SETX: variants seen among roughly 807,000 people sequenced by gnomAD.
SETX encodes senataxin, also known as helicase senataxin.
SETX carries 90 observed loss-of-function variants against 227.2 expected under a neutral mutation model. The observed-to-expected ratio is 0.40, with a 90% CI of 0.33 to 0.47. The LOEUF (loss-of-function observed/expected upper bound fraction) is 0.47. Ranked by LOEUF, SETX falls within the 20% of genes least tolerant of loss-of-function variation. The pLI is 0.91. For synonymous variants in SETX, 1,210 were observed against 1,113.2 expected, an observed-to-expected ratio of 1.09 and a Z score of -1.73; for missense variants, 3,052 against 3,181.5, an observed-to-expected ratio of 0.96 and a Z score of 0.98.
intron 10 of SETX, among the ~76,000 whole-genome samples, chr9:132,317,730 T>G (rs926477599): frequency 2.0e-5 from 3 of 152,158 alleles, no homozygotes; most frequent in African/African-American, 7.2e-5. Flanking sequence ...CCCAAAATGC[T>G]GGTATTACAG....
chr9:132,300,421 G>T (rs1844921853), intron 12 of SETX, among the ~76,000 whole-genome samples: 1 of 152,010 alleles, frequency 6.6e-6, no homozygotes, highest in Non-Finnish European at 1.5e-5. Context: ...TGTAACAAAA[G>T]GATAGAACAT....
At chr9:132,290,803 G>C (rs1204780855) in intron 15 of SETX, among the ~76,000 whole-genome samples, 1 of 151,856 alleles carries the variant, frequency 6.6e-6, no homozygotes, top group East Asian at 1.9e-4. Context: ...GGCAGAGATG[G>C]GGGTATTGCT....
At chr9:132,300,129 T>TCAAAAA (rs1844903592) in intron 12 of SETX, among the ~76,000 whole-genome samples, 1 of 51,934 alleles carries the variant, frequency 1.9e-5, no homozygotes, top group Non-Finnish European at 3.4e-5. Context: ...AAACTCCGTC[T>TCAAAAA]CAAAAAAAAA....
At position 132,329,647 on chromosome 9, in the gene SETX, T is replaced by A; in HGVS notation, c.1951A>T (p.Lys651Ter). ...SSPTFSKEPMKVQDSVLIKAD... is the reference protein window; with the variant it reads ...SSPTFSKEPM ...TTGATCAATACACTGTCTTGCACTT[T>A]CATTGGTTCTTTAGAAAATGTTGGG... The change falls in exon 10 of 26, where the codon AAA becomes TAA. Residue 651 changes from lysine (K) to a stop codon, truncating the protein, a stop_gained. Coordinates refer to ENST00000224140, the MANE Select transcript of SETX (RefSeq NM_015046.7). LOFTEE classifies it high-confidence loss of function. 2 of 1,613,742 alleles carry A rather than the reference T, an allele frequency of 1.2e-6. No homozygotes were observed. The highest frequency in any genetic ancestry group is 2.7e-5 in the African/African-American group (2 of 75,010).
At chr9:132,268,053 G>A (rs1285996716) in intron 25 of SETX, among the ~76,000 whole-genome samples, 1 of 152,154 alleles carries the variant, frequency 6.6e-6, no homozygotes. Context: ...TATTTGTCTT[G>A]TTTTGCTCAA....
chr9:132,288,792 C>A, intron 15 of SETX, 141 bp from the exon 16 acceptor site: 1 of 676,846 alleles, frequency 1.5e-6, no homozygotes, highest in Non-Finnish European at 2.7e-6. Flanking sequence ...AACCAGACAC[C>A]AGGGACTACA....
At chr9:132,268,024 A>C (rs1842730308) in intron 25 of SETX, among the ~76,000 whole-genome samples, 1 of 152,262 alleles carries the variant, frequency 6.6e-6, no homozygotes, top group Non-Finnish European at 1.5e-5. Context: ...AACATGATCA[A>C]AATCTGTGAT....
chr9:132,343,542 T>C (rs981791197), intron 4 of SETX, among the ~76,000 whole-genome samples: 13 of 152,176 alleles, frequency 8.5e-5, no homozygotes, highest in African/African-American at 3.1e-4. Flanking sequence ...GAACAATCCA[T>C]TTACCCTTTC....
At chr9:132,335,218 G>A (rs573487751) in intron 6 of SETX, among the ~76,000 whole-genome samples, 164 of 151,294 alleles carry the variant, frequency 1.1e-3, no homozygotes, top group African/African-American at 2.3e-3. Context: ...GTGAAACCCC[G>A]TCTCTACTAA....
chr9:132,311,081 C>T (rs577895833), intron 11 of SETX, among the ~76,000 whole-genome samples: 18 of 152,268 alleles, frequency 1.2e-4, no homozygotes, highest in African/African-American at 4.1e-4. Flanking sequence ...ATTCTCCTGC[C>T]TCAGCCTCCC....
intron 12 of SETX, among the ~76,000 whole-genome samples, chr9:132,298,670 G>A (rs1844815107): frequency 6.6e-6 from 1 of 152,186 alleles, no homozygotes; most frequent in Non-Finnish European, 1.5e-5. Context: ...ACAGTACTCA[G>A]CAGAGGGTAA....
At chr9:132,309,803 G>C (rs1845546758) in intron 11 of SETX, among the ~76,000 whole-genome samples, 3 of 152,160 alleles carry the variant, frequency 2.0e-5, no homozygotes, top group Non-Finnish European at 4.4e-5. Flanking sequence ...AGGTAAGAGA[G>C]ATCCTGATCC....
At chr9:132,352,590 A>G (rs868175785) in intron 2 of SETX, among the ~76,000 whole-genome samples, 29 of 152,202 alleles carry the variant, frequency 1.9e-4, no homozygotes, top group African/African-American at 6.8e-4. Context: ...GTATCTACTA[A>G]AAATATAAAA....
At chr9:132,346,824 G>T (rs1303257308) in intron 3 of SETX, among the ~76,000 whole-genome samples, 6 of 151,914 alleles carry the variant, frequency 3.9e-5, no homozygotes, top group African/African-American at 1.5e-4. Flanking sequence ...TAGGTGTGGT[G>T]CATGCCTACA....
chr9:132,292,415 CAAAA>C lies in SETX; in HGVS notation c.6106+3453_6106+3456del, dbSNP rs60253119. On this transcript the variant is annotated intron_variant, in intron 15 of 25. Transcript: ENST00000224140. Reference sequence around the variant, plus strand: ...ATGTACCCCAGCCTGAGCTGGGGTACAAAAAAAAAAAAAAAAAAAAAAGAAAACA... The same window carrying C: ...ATGTACCCCAGCCTGAGCTGGGGTACAAAAAAAAAAAAAAAAAAGAAAACA... 4.4e-4 allele frequency among the ~76,000 whole-genome samples: 27 copies of C among 61,070 alleles called. No homozygotes were observed. In the East Asian group the frequency reaches 5.1e-3, roughly 12 times the overall value. 40.1% of individuals were successfully genotyped at this position (61,070 alleles called of 152,430 possible).
intron 24 of SETX, 41 bp downstream of exon 24, chr9:132,271,669 A>G: frequency 6.8e-7 from 1 of 1,473,570 alleles, no homozygotes; most frequent in Non-Finnish European, 9.5e-7. Flanking sequence ...ACAAGCAACA[A>G]TGTATACAAG....
At position 132,283,279 on chromosome 9, in the gene SETX, A is replaced by C; in HGVS notation, c.6531T>G (p.Cys2177Trp). 1 of 1,614,222 alleles carries C rather than the reference A, an allele frequency of 6.2e-7. No homozygotes were observed. The highest frequency in any genetic ancestry group is 1.1e-5 in the South Asian group (1 of 91,088). The change falls in exon 19 of 26, where the codon TGT (cysteine) becomes TGG (tryptophan). Residue 2177 changes from cysteine to tryptophan, a missense_variant. Coordinates refer to ENST00000224140, the MANE Select transcript of SETX (RefSeq NM_015046.7). ...GTTCACTGACCTCATCAACAATGAC[A>C]CAGCTGAAGGGGACACCCCCTTGCC... ...FRGQGGVPFS[C>W]VIVDEAGQSC...
intron 6 of SETX, 28 bp downstream of exon 6, chr9:132,336,268 A>G: frequency 6.4e-7 from 1 of 1,565,910 alleles, no homozygotes; most frequent in Non-Finnish European, 8.8e-7. Context: ...GAAAATACCA[A>G]TTATATTAGT....
chr9:132,264,371 C>T lies in SETX; in HGVS notation c.7902G>A (p.Glu2634=), dbSNP rs752877084. Residue 2634 remains glutamate, a synonymous_variant, in exon 26 of 26, where the codon GAG becomes GAA. Transcript: ENST00000224140. ...DPEEELCHRR[E]ARAFSEGEQE... ...GCTCCCCTTCACTGAAAGCCCTGGC[C>T]TCTCTCCTGTGACAGAGCTCCTCTT... 2 of 1,614,192 alleles carry T rather than the reference C, an allele frequency of 1.2e-6. No homozygotes were observed. Among genetic ancestry groups the T allele is most frequent in the Non-Finnish European group, 1.7e-6 (2 of 1,180,042 alleles).
Sources: gnomAD v4.1 joint callset for allele counts (sites outside exome capture counted in the v4.1 genomes callset) on GRCh38, gnomAD v4.1.1 for gene constraint, MANE v1.5 for transcripts, NCBI Gene and HGNC (gene_info 2026-07-23, HGNC 2026-07-21) for gene names.